The following RHBDL3 variants were observed in gnomAD, a reference collection of about 807,000 sequenced individuals.
RHBDL3 encodes the protein rhomboid-related protein 3.
RHBDL3 carries 28 observed loss-of-function variants against 48.2 expected under a neutral mutation model. The ratio of observed to expected loss-of-function variants is 0.58; its 90% CI spans 0.43 to 0.80. RHBDL3 has a LOEUF of 0.80. Ranked by LOEUF, RHBDL3 falls within the 30% of genes least tolerant of loss-of-function variation. The pLI is 0.00. For missense variants in RHBDL3, 464 were observed against 542.7 expected (o/e 0.85, Z 1.44); for synonymous variants, 208 against 232.3 (o/e 0.90, Z 0.95).
rs181310116 is a variant in RHBDL3, at chr17:32,307,170, C to T, written c.882+1729C>T. ...GGAGGAGTCAGTGGCTAACCCTGCC[C>T]GATCCCTCTGCTGGCCTGGGAGCCT... On this transcript the variant is annotated intron_variant, in intron 7 of 8. Coordinates refer to ENST00000269051, the MANE Select transcript of RHBDL3 (RefSeq NM_138328.3). Among the ~76,000 whole-genome samples the T allele has an allele frequency of 1.7e-3, 262 of 152,238 alleles. 4 individuals carry two copies. Among genetic ancestry groups the T allele is most frequent in the African/African-American group, 5.6e-3 (234 of 41,536 alleles).
In RHBDL3 at chr17:32,284,813, G is replaced by C; in HGVS notation, c.290G>C (p.Ser97Thr). ...DGQIGYQDFV[S>T]LMSNKRSNSF... Reference sequence around the variant, plus strand: ...CAGATCGGCTACCAGGATTTTGTCAGCCTAGTGAGTGCTCTGGGGCCCTTG... The same window carrying C: ...CAGATCGGCTACCAGGATTTTGTCACCCTAGTGAGTGCTCTGGGGCCCTTG... The change falls in exon 3 of 9, where the codon AGC becomes ACC. Residue 97 changes from serine to threonine, a missense_variant. Physicochemically the swap from Ser to Thr is moderately conservative, Grantham distance 58 (BLOSUM62 1). Transcript: ENST00000269051. 6.2e-7 allele frequency: 1 copy of C among 1,613,722 alleles called. No homozygotes were observed. Among genetic ancestry groups the C allele is most frequent in the Non-Finnish European group, 8.5e-7 (1 of 1,179,902 alleles).
rs758506681 is a variant in RHBDL3, at chr17:32,316,276, T to G, written c.927T>G (p.Ala309=). Residue 309 remains alanine (A), a synonymous_variant, in exon 8 of 9, where the codon GCT becomes GCG. Coordinates refer to ENST00000269051, the MANE Select transcript of RHBDL3 (RefSeq NM_138328.3). ...GCCAGTTCAAGCTGCTGCGGATGGCTGTGGCCCTTATCTGTAGTAAGTACT... is the reference window on the plus strand; with the variant it reads ...GCCAGTTCAAGCTGCTGCGGATGGCGGTGGCCCTTATCTGTAGTAAGTACT... ...MKCQFKLLRM[A]VALICMSMEF... is the part of the protein sequence containing the mutation. The G allele has an allele frequency of 2.5e-6, 4 of 1,613,702 alleles. No individual in the cohort carries two copies. Among genetic ancestry groups the G allele is most frequent in the Non-Finnish European group, 3.4e-6 (4 of 1,179,634 alleles).
chr17:32,278,447 A>C (rs71377425), intron 2 of RHBDL3, among the ~76,000 whole-genome samples: 7,073 of 152,252 alleles, frequency 0.046, 216 homozygotes, highest in African/African-American at 0.088. Context: ...GACCTGGACT[A>C]GTTTATTTTG....
intron 2 of RHBDL3, among the ~76,000 whole-genome samples, chr17:32,275,962 G>A (rs935852406): frequency 3.3e-5 from 5 of 152,082 alleles, no homozygotes; most frequent in Non-Finnish European, 7.4e-5. Context: ...GAGGCTTGAG[G>A]TCTCTGAAAA....
At chr17:32,310,046 G>A (rs1393139165) in intron 7 of RHBDL3, among the ~76,000 whole-genome samples, 3 of 151,794 alleles carry the variant, frequency 2.0e-5, no homozygotes, top group Non-Finnish European at 4.4e-5. Context: ...ACCATGCCCC[G>A]CCAAGACTTC....
intron 3 of RHBDL3, 135 bp from the exon 4 acceptor site, chr17:32,288,657 C>T: frequency 1.5e-6 from 1 of 645,266 alleles, no homozygotes; most frequent in South Asian, 2.0e-5. Flanking sequence ...GTGAATGTTG[C>T]TTCTTATTAA....
At chr17:32,274,905 T>G (rs2039860509) in intron 2 of RHBDL3, among the ~76,000 whole-genome samples, 1 of 152,126 alleles carries the variant, frequency 6.6e-6, no homozygotes, top group Non-Finnish European at 1.5e-5. Context: ...TGCATGTGTG[T>G]GTGTCCCCAC....
At position 32,305,324 on chromosome 17, in the gene RHBDL3, C is replaced by T. The variant is rs762396309; in HGVS notation, c.782-17C>T. The T allele has an allele frequency of 1.1e-5, 18 of 1,588,090 alleles. No homozygotes were observed. Among genetic ancestry groups the T allele is most frequent in the Middle Eastern group, 1.7e-4 (1 of 6,038 alleles). Reference sequence around the variant, plus strand: ...AGTCCCGCACTCCTGAGAATTCTCGCTGTCTTTCTGTACTAGGGTCCTTGG... The same window carrying T: ...AGTCCCGCACTCCTGAGAATTCTCGTTGTCTTTCTGTACTAGGGTCCTTGG... On this transcript the variant is annotated splice_polypyrimidine_tract_variant and intron_variant, in intron 6 of 8. Coordinates refer to ENST00000269051, the MANE Select transcript of RHBDL3 (RefSeq NM_138328.3).
chr17:32,279,400 T>C (rs532595586), intron 2 of RHBDL3, among the ~76,000 whole-genome samples: 116 of 152,292 alleles, frequency 7.6e-4, no homozygotes, highest in African/African-American at 2.7e-3. Context: ...CTCTGGGCCT[T>C]GGAGGCCCCA....
At chr17:32,305,911 C>G (rs2040700721) in intron 7 of RHBDL3, among the ~76,000 whole-genome samples, 1 of 116,500 alleles carries the variant, frequency 8.6e-6, no homozygotes, top group African/African-American at 3.1e-5. Flanking sequence ...GAGTGAGATT[C>G]TTTCTCAAAA....
At chr17:32,298,820 T>C (rs143451656) in intron 6 of RHBDL3, among the ~76,000 whole-genome samples, 2 of 152,218 alleles carry the variant, frequency 1.3e-5, no homozygotes, top group Non-Finnish European at 2.9e-5. Context: ...TCTGAAGGCA[T>C]CTGGGCCTCC....
At chr17:32,292,420 T>C (rs746696067) in intron 4 of RHBDL3, among the ~76,000 whole-genome samples, 2 of 152,190 alleles carry the variant, frequency 1.3e-5, no homozygotes, top group East Asian at 1.9e-4. Context: ...GGAAGAGATA[T>C]TGATACACCC....
chr17:32,272,242 A>C (rs761289784), intron 2 of RHBDL3, among the ~76,000 whole-genome samples: 9 of 152,212 alleles, frequency 5.9e-5, no homozygotes, highest in Non-Finnish European at 8.8e-5. Context: ...GCAGCTCCTC[A>C]ACACTTCTGA....
chr17:32,296,244 A>C (rs1597656547), intron 5 of RHBDL3, among the ~76,000 whole-genome samples: 1 of 35,896 alleles, frequency 2.8e-5, no homozygotes. Context: ...CTCCATCTCA[A>C]AAAAAAAAAA....
intron 8 of RHBDL3, among the ~76,000 whole-genome samples, chr17:32,320,014 T>A (rs1454981000): frequency 1.3e-5 from 2 of 152,056 alleles, no homozygotes; most frequent in African/African-American, 4.8e-5. Flanking sequence ...GGCTCATGCC[T>A]ATAATCCTAG....
intron 6 of RHBDL3, among the ~76,000 whole-genome samples, chr17:32,300,816 G>A (rs2040564785): frequency 6.6e-6 from 1 of 152,036 alleles, no homozygotes. Context: ...ATGACTTGCA[G>A]ATTTGCTTAC....
intron 7 of RHBDL3, among the ~76,000 whole-genome samples, chr17:32,307,475 T>C (rs2040738679): frequency 6.6e-6 from 1 of 152,208 alleles, no homozygotes; most frequent in Admixed American, 6.5e-5. Flanking sequence ...GTCCCTTTTG[T>C]TCTCATCAAA....
At position 32,324,033 on chromosome 17, in the gene RHBDL3, G is replaced by C. The variant is rs1390496855; in HGVS notation, c.*2804G>C. ...TTGTCTGAGGTGGCTGCCAGCCCAG[G>C]GGGTGGTGTGTAAATCTTCAGGCTG... On this transcript the variant is annotated 3_prime_UTR_variant, in exon 9 of 9. Transcript: ENST00000269051. 1.3e-5 allele frequency: 2 copies of C among 152,354 alleles called. No homozygotes were observed. The highest frequency in any genetic ancestry group is 3.8e-4 in the East Asian group (2 of 5,208). 9.4% of individuals were successfully genotyped at this position (152,354 alleles called of 1,614,324 possible).
chr17:32,313,199 T>TA (rs1234368550), intron 7 of RHBDL3, among the ~76,000 whole-genome samples: 1 of 151,974 alleles, frequency 6.6e-6, no homozygotes, highest in African/African-American at 2.4e-5. Flanking sequence ...CTACAAAAAA[T>TA]AAAAAATTTA....
Sources: gnomAD v4.1 joint callset for allele counts (sites outside exome capture counted in the v4.1 genomes callset) on GRCh38, gnomAD v4.1.1 for gene constraint, MANE v1.5 for transcripts, NCBI Gene and HGNC (gene_info 2026-07-23, HGNC 2026-07-21) for gene names.